The following EFCAB5 variants were observed in gnomAD, a reference collection of about 807,000 sequenced individuals.
EFCAB5 encodes the protein EF-hand calcium binding domain 5, also known as EF-hand calcium-binding domain-containing protein 5.
Under a neutral mutation model 167.9 loss-of-function variants are expected in EFCAB5, and 131 were observed. The observed-to-expected ratio is 0.78, with a 90% CI of 0.68 to 0.90. The LOEUF is 0.90. Ranked by LOEUF, EFCAB5 falls within the 40% of genes least tolerant of loss-of-function variation. The pLI, the probability that EFCAB5 is intolerant of heterozygous loss-of-function variation, is 0.00. For missense variants in EFCAB5, 1,663 were observed against 1,745.2 expected, an observed-to-expected ratio of 0.95 and a Z score of 0.84; for synonymous variants, 574 against 602.8, an observed-to-expected ratio of 0.95 and a Z score of 0.70.
intron 8 of EFCAB5, among the ~76,000 whole-genome samples, chr17:30,043,093 A>AG (rs1310514641): frequency 2.0e-5 from 3 of 152,148 alleles, no homozygotes; most frequent in Non-Finnish European, 2.9e-5. Flanking sequence ...CAGCCTGGGA[A>AG]ACATAGCAAG....
At position 30,078,306 on chromosome 17, in the gene EFCAB5, G is replaced by A. The variant is rs1166089611; in HGVS notation, c.2829G>A (p.Val943=). 6 of 1,613,896 alleles carry A rather than the reference G, an allele frequency of 3.7e-6. No individual in the cohort carries two copies. Among genetic ancestry groups the A allele is most frequent in the African/African-American group, 2.7e-5 (2 of 74,932 alleles). ...KQFQNYIELV[V]SELRGNEDQV... is the part of the protein sequence containing the mutation. ...TTCAGAATTACATAGAATTGGTTGTGTCTGAACTCAGGGGCAATGAAGACC... is the reference window on the plus strand; with the variant it reads ...TTCAGAATTACATAGAATTGGTTGTATCTGAACTCAGGGGCAATGAAGACC... Residue 943 remains valine (V), a synonymous_variant, in exon 15 of 23, where the codon GTG becomes GTA. Transcript: ENST00000394835.
At chr17:29,948,297 C>G (rs1461891091) in intron 3 of EFCAB5, among the ~76,000 whole-genome samples, 2 of 152,114 alleles carry the variant, frequency 1.3e-5, no homozygotes, top group Non-Finnish European at 2.9e-5. Context: ...ACATATCAAG[C>G]AAGAGTTTGT....
intron 4 of EFCAB5, among the ~76,000 whole-genome samples, chr17:29,977,623 G>A (rs564844543): frequency 6.2e-4 from 95 of 152,172 alleles, no homozygotes; most frequent in Non-Finnish European, 8.5e-4. Context: ...TATCTTTTGG[G>A]CATTTTTCCT....
intron 1 of EFCAB5, among the ~76,000 whole-genome samples, chr17:29,932,038 C>G (rs906356011): frequency 6.6e-6 from 1 of 152,058 alleles, no homozygotes; most frequent in Non-Finnish European, 1.5e-5. Context: ...ACTTTTTGAG[C>G]TTTAATTCCT....
At chr17:30,015,759 C>CTTTTTTTTTTTTTTTTTTTTTTTT (rs71138866) in intron 7 of EFCAB5, among the ~76,000 whole-genome samples, 1 of 130,564 alleles carries the variant, frequency 7.7e-6, no homozygotes, top group Non-Finnish European at 1.6e-5. Context: ...TTGGTTATTT[C>CTTTTTTTTTTTTTTTTTTTTTTTT]TTTTTTTTTT....
intron 1 of EFCAB5, among the ~76,000 whole-genome samples, chr17:29,934,133 A>G (rs968003351): frequency 1.3e-5 from 2 of 152,232 alleles, no homozygotes; most frequent in African/African-American, 4.8e-5. Context: ...ACAGGATTTT[A>G]TGATTGAAAT....
At chr17:29,960,586 C>T (rs1039414794) in intron 3 of EFCAB5, among the ~76,000 whole-genome samples, 3 of 152,144 alleles carry the variant, frequency 2.0e-5, no homozygotes, top group African/African-American at 7.2e-5. Flanking sequence ...CTGATGCTCT[C>T]CTTCCCCTAC....
At chr17:30,039,269 C>T (rs371013778) in intron 8 of EFCAB5, among the ~76,000 whole-genome samples, 3 of 152,300 alleles carry the variant, frequency 2.0e-5, no homozygotes, top group East Asian at 3.9e-4. Context: ...ACACCCGAGT[C>T]AAGCAAGTGC....
chr17:30,026,133 A>T (rs1252915247), intron 7 of EFCAB5, among the ~76,000 whole-genome samples: 2 of 152,040 alleles, frequency 1.3e-5, no homozygotes, highest in Non-Finnish European at 1.5e-5. Flanking sequence ...ACTAACCTGC[A>T]CATTGTGCAC....
chr17:30,063,582 C>T (rs561445129), intron 14 of EFCAB5, among the ~76,000 whole-genome samples: 112 of 152,298 alleles, frequency 7.4e-4, no homozygotes, highest in African/African-American at 2.6e-3. Context: ...AACCTACACC[C>T]AACCCTGCCA....
chr17:29,944,491 C>G (rs1448809594), intron 3 of EFCAB5, among the ~76,000 whole-genome samples: 1 of 152,078 alleles, frequency 6.6e-6, no homozygotes, highest in Non-Finnish European at 1.5e-5. Flanking sequence ...AGAAAGCTGA[C>G]TGACATCTAG....
intron 4 of EFCAB5, among the ~76,000 whole-genome samples, chr17:29,989,270 A>T (rs2068358316): frequency 6.6e-6 from 1 of 152,242 alleles, no homozygotes; most frequent in Admixed American, 6.5e-5. Context: ...AAGTGATCAT[A>T]ACATTGGAAT....
chr17:30,104,240 C>T (rs1169524010), intron 22 of EFCAB5, among the ~76,000 whole-genome samples: 1 of 152,206 alleles, frequency 6.6e-6, no homozygotes. Flanking sequence ...GTACTTGAAG[C>T]TTAAGTACTT....
At chr17:30,072,443 A>G (rs906215892) in intron 14 of EFCAB5, among the ~76,000 whole-genome samples, 4 of 152,230 alleles carry the variant, frequency 2.6e-5, no homozygotes, top group Non-Finnish European at 5.9e-5. Context: ...AGTCTCATTG[A>G]AAAGTACACA....
chr17:30,041,760 G>C (rs1031815952), intron 8 of EFCAB5, among the ~76,000 whole-genome samples: 1 of 152,140 alleles, frequency 6.6e-6, no homozygotes, highest in African/African-American at 2.4e-5. Context: ...TTAAGAAATT[G>C]CCACAGCACA....
intron 22 of EFCAB5, among the ~76,000 whole-genome samples, chr17:30,106,646 G>A (rs2071453048): frequency 6.6e-6 from 1 of 152,024 alleles, no homozygotes; most frequent in African/African-American, 2.4e-5. Flanking sequence ...TAGTAGAGAT[G>A]GGGTTTCACC....
upstream of EFCAB5, among the ~76,000 whole-genome samples, chr17:29,938,667 A>G (rs544276752): frequency 6.6e-6 from 1 of 152,378 alleles, no homozygotes; most frequent in South Asian, 2.1e-4. Context: ...TGTCTTCACC[A>G]GGAGTGATTC....
At chr17:30,041,540 C>A (rs1231457127) in intron 8 of EFCAB5, among the ~76,000 whole-genome samples, 3 of 152,112 alleles carry the variant, frequency 2.0e-5, no homozygotes, top group Non-Finnish European at 2.9e-5. Flanking sequence ...CCGGTGAAGA[C>A]ATTAGCATTG....
chr17:29,949,328 T>C (rs1483593486), intron 3 of EFCAB5, among the ~76,000 whole-genome samples: 1 of 152,188 alleles, frequency 6.6e-6, no homozygotes, highest in Non-Finnish European at 1.5e-5. Context: ...CTTATACTCA[T>C]AGTGCCTGGA....
Sources: allele counts gnomAD v4.1 joint callset (sites outside exome capture counted in the v4.1 genomes callset), GRCh38; gene constraint gnomAD v4.1.1; transcripts MANE v1.5; gene names NCBI Gene and HGNC (gene_info 2026-07-23, HGNC 2026-07-21).